The following THEMIS variants were observed in gnomAD, a reference collection of about 807,000 sequenced individuals.
The protein encoded by THEMIS is thymocyte selection associated.
In THEMIS, 37 loss-of-function variants were observed where a neutral mutation model predicts 52.6. That is an observed-to-expected ratio of 0.70 (90% CI 0.54 to 0.93). The LOEUF (loss-of-function observed/expected upper bound fraction) is 0.93, where lower values mean the gene tolerates loss of function less well. THEMIS is among the 40% of genes least tolerant of loss of function. THEMIS has a pLI of 0.00. For missense variants in THEMIS, 808 were observed against 763.1 expected (o/e 1.06, Z -0.69); for synonymous variants, 292 against 272.7 (o/e 1.07, Z -0.70).
chr6:127,713,201 T>C (rs747537074), intron 5 of THEMIS, among the ~76,000 whole-genome samples: 1 of 151,952 alleles, frequency 6.6e-6, no homozygotes, highest in Non-Finnish European at 1.5e-5. Context: ...GTCATCAAAT[T>C]GTTGGCTGAG....
At chr6:127,807,646 A>G (rs1201052716) in intron 4 of THEMIS, among the ~76,000 whole-genome samples, 3 of 152,226 alleles carry the variant, frequency 2.0e-5, no homozygotes, top group Non-Finnish European at 4.4e-5. Context: ...AGGACCTACC[A>G]TGAGTAGAAA....
At chr6:127,866,235 T>G (rs1358678539) in intron 1 of THEMIS, among the ~76,000 whole-genome samples, 1 of 152,086 alleles carries the variant, frequency 6.6e-6, no homozygotes, top group East Asian at 1.9e-4. Context: ...ATGATTTAGT[T>G]TGTTCTTAAA....
At chr6:127,710,959 C>G (rs372057982) in intron 5 of THEMIS, among the ~76,000 whole-genome samples, 2 of 141,616 alleles carry the variant, frequency 1.4e-5, no homozygotes, top group African/African-American at 5.0e-5. Flanking sequence ...CCCTCCCTCC[C>G]TTCCTTCTTT....
At position 127,841,897 on chromosome 6, in the gene THEMIS, G is replaced by A. The variant is rs1163425928; in HGVS notation, c.251-11963C>T. Reference sequence around the variant, plus strand: ...TTACTTTGCTTAAGTGAGCACAGTGGGAAATAGTACCTTAAGAGAAGTTGA... The same window carrying A: ...TTACTTTGCTTAAGTGAGCACAGTGAGAAATAGTACCTTAAGAGAAGTTGA... On this transcript the variant is annotated intron_variant, in intron 2 of 5. Transcript: ENST00000368248. Among the ~76,000 whole-genome samples the A allele has an allele frequency of 3.9e-5, 6 of 151,994 alleles. No individual in the cohort carries two copies. In the South Asian group the frequency reaches 1.0e-3, roughly 26 times the overall value.
At chr6:127,754,812 C>T (rs142927344) in intron 4 of THEMIS, among the ~76,000 whole-genome samples, 85 of 152,066 alleles carry the variant, frequency 5.6e-4, no homozygotes, top group Middle Eastern at 6.8e-3. Flanking sequence ...ACAATAAAAA[C>T]AGATGAGCAA....
chr6:127,732,063 G>T (rs372908989), intron 4 of THEMIS, among the ~76,000 whole-genome samples: 2 of 149,936 alleles, frequency 1.3e-5, no homozygotes, highest in African/African-American at 4.9e-5. Context: ...TAAATGTTAC[G>T]CAGTATTGGA....
chr6:127,768,369 G>A (rs1469463527), intron 4 of THEMIS, among the ~76,000 whole-genome samples: 1 of 152,054 alleles, frequency 6.6e-6, no homozygotes, highest in Non-Finnish European at 1.5e-5. Context: ...CCTTGCCTCT[G>A]TCAACCCCAC....
At chr6:127,776,295 A>T (rs1489152870) in intron 4 of THEMIS, among the ~76,000 whole-genome samples, 1 of 152,174 alleles carries the variant, frequency 6.6e-6, no homozygotes, top group East Asian at 1.9e-4. Flanking sequence ...TTGTAGGCGG[A>T]TTTAGTGACT....
chr6:127,846,207 A>G (rs945044208), intron 2 of THEMIS, among the ~76,000 whole-genome samples: 4 of 152,016 alleles, frequency 2.6e-5, no homozygotes, highest in Non-Finnish European at 5.9e-5. Context: ...AATTCACTAA[A>G]CAAACAACTA....
At chr6:127,758,047 G>A (rs1332004814) in intron 4 of THEMIS, among the ~76,000 whole-genome samples, 1 of 151,238 alleles carries the variant, frequency 6.6e-6, no homozygotes, top group East Asian at 1.9e-4. Flanking sequence ...ACACATATAT[G>A]TATATAACAA....
chr6:127,745,158 G>T (rs1178929839), intron 4 of THEMIS, among the ~76,000 whole-genome samples: 1 of 151,870 alleles, frequency 6.6e-6, no homozygotes, highest in East Asian at 1.9e-4. Context: ...ATCTAACTTT[G>T]AGGACCTTAA....
Position 127,900,885 on chromosome 6 carries a change from G to T in THEMIS, c.48C>A (p.Thr16=), listed in dbSNP as rs768392039. 3.7e-5 allele frequency: 59 copies of T among 1,613,078 alleles called. No individual in the cohort carries two copies. The highest frequency in any genetic ancestry group is 4.8e-5 in the Non-Finnish European group (57 of 1,179,438). The change falls in exon 1 of 6, where the codon ACC becomes ACA. Residue 16 remains threonine (T), a synonymous_variant. Transcript: ENST00000368248. ...CCTGGATTTCTAGAACCCTGGGTAGGGTCCTGAGGTCAAGGGAGTGGACGA... is the reference window on the plus strand; with the variant it reads ...CCTGGATTTCTAGAACCCTGGGTAGTGTCCTGAGGTCAAGGGAGTGGACGA... ...EEFVHSLDLR[T]LPRVLEIQAG...
intron 5 of THEMIS, among the ~76,000 whole-genome samples, chr6:127,718,648 C>T (rs1021060919): frequency 6.6e-6 from 1 of 151,908 alleles, no homozygotes; most frequent in East Asian, 1.9e-4. Flanking sequence ...AGACTCAATG[C>T]GCTGCAGCAA....
intron 4 of THEMIS, among the ~76,000 whole-genome samples, chr6:127,799,553 A>ATCTTTCTTTCTTTCTTTCTTTCTT (rs748513282): frequency 1.4e-5 from 2 of 144,620 alleles, no homozygotes; most frequent in South Asian, 2.2e-4. Flanking sequence ...CTTTCTTTCT[A>ATCTTTCTTTCTTTCTTTCTTTCTT]TCTTTCTTTC....
At chr6:127,855,242 A>T (rs1583357593) in intron 1 of THEMIS, 54 bp from the exon 2 acceptor site, 2 of 1,406,522 alleles carry the variant, frequency 1.4e-6, no homozygotes, top group Non-Finnish European at 1.9e-6. Context: ...AGTGAAAAAC[A>T]AAGTAGACTC....
At position 127,900,960 on chromosome 6, in the gene THEMIS, T is replaced by C. The variant is rs2114505433; in HGVS notation, c.-28A>G. The C allele has an allele frequency of 1.9e-6, 3 of 1,578,868 alleles. No individual in the cohort carries two copies. The highest frequency in any genetic ancestry group is 2.2e-5 in the East Asian group (1 of 44,622). On this transcript the variant is annotated 5_prime_UTR_variant, in exon 1 of 6. Transcript: ENST00000368248. ...CTATGCCTTGGGTAGTTTGTAGACC[T>C]GGTGCTCACAGAAACTTGTGGCTTC...
intron 4 of THEMIS, among the ~76,000 whole-genome samples, chr6:127,775,698 C>T (rs1395722631): frequency 2.0e-5 from 3 of 151,914 alleles, no homozygotes; most frequent in African/African-American, 7.3e-5. Context: ...TCTGTTTTGC[C>T]TTTCTGTAAT....
chr6:127,755,493 G>C (rs564759265), intron 4 of THEMIS, among the ~76,000 whole-genome samples: 1 of 151,932 alleles, frequency 6.6e-6, no homozygotes, highest in Non-Finnish European at 1.5e-5. Flanking sequence ...GCATATCAAG[G>C]CATCATTTTT....
At chr6:127,878,995 A>C (rs1780397405) in intron 1 of THEMIS, among the ~76,000 whole-genome samples, 1 of 152,212 alleles carries the variant, frequency 6.6e-6, no homozygotes, top group Non-Finnish European at 1.5e-5. Context: ...AGAAATTAAA[A>C]ATTGTATTCT....
Sources: gnomAD v4.1 joint callset for allele counts (sites outside exome capture counted in the v4.1 genomes callset) on GRCh38, gnomAD v4.1.1 for gene constraint, MANE v1.5 for transcripts, NCBI Gene and HGNC (gene_info 2026-07-23, HGNC 2026-07-21) for gene names.